ME3: variants seen among roughly 807,000 people sequenced by gnomAD.
ME3 encodes malic enzyme 3, also known as NADP-dependent malic enzyme, mitochondrial.
In ME3, 48 loss-of-function variants were observed where a neutral mutation model predicts 68.9. The ratio of observed to expected loss-of-function variants is 0.70; its 90% confidence interval spans 0.55 to 0.89. The LOEUF is 0.89. Among genes scored for constraint, ME3 ranks in the 40% least tolerant of loss-of-function variants. The pLI, the probability that ME3 is intolerant of heterozygous loss-of-function variation, is 0.00. For synonymous variants in ME3, 320 were observed against 318.8 expected, an observed-to-expected ratio of 1.00 and a Z score of -0.04; for missense variants, 675 against 797.4, an observed-to-expected ratio of 0.85 and a Z score of 1.85.
chr11:86,528,989 C>T (rs565099898), intron 4 of ME3, among the ~76,000 whole-genome samples: 656 of 151,944 alleles, frequency 4.3e-3, no homozygotes, highest in Middle Eastern at 0.01. Flanking sequence ...TAGCAGAAGG[C>T]AAGAAATAAC....
chr11:86,563,569 T>A (rs1957340299), intron 2 of ME3, among the ~76,000 whole-genome samples: 1 of 152,198 alleles, frequency 6.6e-6, no homozygotes, highest in African/African-American at 2.4e-5. Context: ...TTTGAGGATT[T>A]TTTTATAGTT....
intron 2 of ME3, among the ~76,000 whole-genome samples, chr11:86,599,285 C>A (rs1320201380): frequency 6.6e-6 from 1 of 152,018 alleles, no homozygotes; most frequent in Non-Finnish European, 1.5e-5. Context: ...AGCCAAGGCT[C>A]GAGAACTACG....
chr11:86,450,064 G>C, intron 9 of ME3, 62 bp from the exon 10 acceptor site: 1 of 1,336,270 alleles, frequency 7.5e-7, no homozygotes, highest in Non-Finnish European at 1.1e-6. Context: ...ACATTTATCT[G>C]ATGTCTTGCC....
At chr11:86,554,742 G>T (rs1362495486) in intron 4 of ME3, among the ~76,000 whole-genome samples, 2 of 152,180 alleles carry the variant, frequency 1.3e-5, no homozygotes, top group Non-Finnish European at 2.9e-5. Flanking sequence ...TGATTGCAAA[G>T]AACCAATTCT....
chr11:86,514,129 C>T (rs1953727280), intron 4 of ME3, among the ~76,000 whole-genome samples: 1 of 152,124 alleles, frequency 6.6e-6, no homozygotes, highest in Non-Finnish European at 1.5e-5. Context: ...TGGCATTTCC[C>T]CTGCTTGCAT....
chr11:86,521,879 C>T (rs1198791486), intron 4 of ME3, among the ~76,000 whole-genome samples: 1 of 152,182 alleles, frequency 6.6e-6, no homozygotes, highest in Non-Finnish European at 1.5e-5. Context: ...CACAAAGCCT[C>T]TGTGAAGTGG....
chr11:86,474,654 T>C (rs1950963105), intron 7 of ME3, among the ~76,000 whole-genome samples: 1 of 152,234 alleles, frequency 6.6e-6, no homozygotes, highest in Non-Finnish European at 1.5e-5. Context: ...ACAGGTGTCC[T>C]CCATGAAGGT....
chr11:86,653,497 T>C (rs1201058921), intron 2 of ME3, among the ~76,000 whole-genome samples: 1 of 152,200 alleles, frequency 6.6e-6, no homozygotes, highest in Non-Finnish European at 1.5e-5. Flanking sequence ...GAATGACTAC[T>C]GGGTACATAA....
chr11:86,617,379 C>T (rs1025559979), intron 2 of ME3, among the ~76,000 whole-genome samples: 5 of 151,926 alleles, frequency 3.3e-5, no homozygotes, highest in Admixed American at 3.3e-4. Context: ...GTAACTAAGT[C>T]TCGTTTAAAA....
chr11:86,510,544 A>T (rs1953442663), intron 4 of ME3, among the ~76,000 whole-genome samples: 1 of 152,170 alleles, frequency 6.6e-6, no homozygotes, highest in Non-Finnish European at 1.5e-5. Flanking sequence ...AAATATCTAT[A>T]GACCAGCGTT....
chr11:86,544,924 C>T (rs557678172), intron 4 of ME3, among the ~76,000 whole-genome samples: 1 of 151,478 alleles, frequency 6.6e-6, no homozygotes, highest in African/African-American at 2.4e-5. Flanking sequence ...TTCGATGAGG[C>T]AAAAATACTG....
chr11:86,481,300 A>G (rs1013388744), intron 7 of ME3, among the ~76,000 whole-genome samples: 6 of 140,062 alleles, frequency 4.3e-5, no homozygotes, highest in Admixed American at 7.7e-5. Context: ...TAATCCTCCT[A>G]CCTTGGCCTC....
chr11:86,517,994 G>C (rs1274209171), intron 4 of ME3, among the ~76,000 whole-genome samples: 3 of 152,204 alleles, frequency 2.0e-5, no homozygotes, highest in Non-Finnish European at 4.4e-5. Flanking sequence ...TCAGGAACAT[G>C]ACCTAGGGCT....
intron 4 of ME3, among the ~76,000 whole-genome samples, chr11:86,515,348 C>A (rs1446371354): frequency 5.9e-5 from 9 of 152,158 alleles, no homozygotes; most frequent in African/African-American, 2.2e-4. Context: ...ATCCAGAGGG[C>A]ATCGCCATCA....
intron 4 of ME3, among the ~76,000 whole-genome samples, chr11:86,519,642 C>T (rs1454101894): frequency 3.3e-5 from 5 of 152,232 alleles, no homozygotes; most frequent in Non-Finnish European, 7.3e-5. Flanking sequence ...AATGGAACCA[C>T]CATTCCACAT....
chr11:86,622,305 A>C (rs1943397241), intron 2 of ME3, among the ~76,000 whole-genome samples: 2 of 152,038 alleles, frequency 1.3e-5, no homozygotes, highest in African/African-American at 4.8e-5. Flanking sequence ...CTCCCTATCA[A>C]TGGGAGTCAT....
intron 2 of ME3, among the ~76,000 whole-genome samples, chr11:86,639,154 C>T (rs938220211): frequency 6.6e-6 from 1 of 152,170 alleles, no homozygotes; most frequent in African/African-American, 2.4e-5. Flanking sequence ...TTAATGGTTC[C>T]CCACAAAAGT....
At chr11:86,506,721 A>G (rs1192164379) in intron 5 of ME3, among the ~76,000 whole-genome samples, 1 of 152,214 alleles carries the variant, frequency 6.6e-6, no homozygotes, top group African/African-American at 2.4e-5. Context: ...CTGTGTAAGC[A>G]TCTACTGAGT....
At chr11:86,524,907 G>A (rs1954617885) in intron 4 of ME3, among the ~76,000 whole-genome samples, 1 of 152,200 alleles carries the variant, frequency 6.6e-6, no homozygotes, top group Admixed American at 6.5e-5. Flanking sequence ...TTTTGACTAA[G>A]TTCCGCCTCC....
Sources: gnomAD v4.1 joint callset for allele counts (sites outside exome capture counted in the v4.1 genomes callset) on GRCh38, gnomAD v4.1.1 for gene constraint, MANE v1.5 for transcripts, NCBI Gene and HGNC (gene_info 2026-07-23, HGNC 2026-07-21) for gene names.